TBC1D19: variants seen among roughly 807,000 people sequenced by gnomAD.
TBC1D19 encodes TBC1 domain family, member 19.
Under a neutral mutation model 89.0 loss-of-function variants are expected in TBC1D19, and 60 were observed. The ratio of observed to expected loss-of-function variants is 0.67; its 90% CI spans 0.55 to 0.84. The LOEUF is 0.84. TBC1D19 is among the 40% of genes least tolerant of loss of function. The pLI, the probability that TBC1D19 is intolerant of heterozygous loss-of-function variation, is 0.00. For missense variants in TBC1D19, 500 were observed against 610.8 expected (o/e 0.82, Z 1.91); for synonymous variants, 189 against 199.7 (o/e 0.95, Z 0.45).
chr4:26,608,063 A>G (rs563509961), intron 1 of TBC1D19, among the ~76,000 whole-genome samples: 185 of 152,328 alleles, frequency 1.2e-3, no homozygotes, highest in African/African-American at 4.3e-3. Context: ...TAGTAAAACC[A>G]TGTTATGCAG....
the TBC1D19 span, among the ~76,000 whole-genome samples, chr4:26,778,165 C>T: frequency 6.6e-6 from 1 of 151,746 alleles, no homozygotes; most frequent in African/African-American, 2.4e-5. Flanking sequence ...CCTGTAATCC[C>T]AGCACTTTGG....
At chr4:26,757,926 A>G (rs950653442), downstream of TBC1D19, among the ~76,000 whole-genome samples, 3 of 152,206 alleles carry the variant, frequency 2.0e-5, no homozygotes, top group African/African-American at 7.2e-5. Context: ...CATAACAGGA[A>G]AAATTCTTCA....
chr4:26,680,209 A>C (rs1713210433), intron 11 of TBC1D19, among the ~76,000 whole-genome samples: 1 of 152,114 alleles, frequency 6.6e-6, no homozygotes, highest in Non-Finnish European at 1.5e-5. Context: ...CAAATTACCC[A>C]GTCTTAGGTA....
At chr4:26,826,232 A>G in the TBC1D19 span, among the ~76,000 whole-genome samples, 1 of 152,114 alleles carries the variant, frequency 6.6e-6, no homozygotes, top group Non-Finnish European at 1.5e-5. Flanking sequence ...AAATTCAAAG[A>G]TCATATTTTT....
the TBC1D19 span, among the ~76,000 whole-genome samples, chr4:26,795,659 C>T: frequency 6.6e-6 from 1 of 152,114 alleles, no homozygotes; most frequent in East Asian, 1.9e-4. Context: ...GGATGACTGT[C>T]ATTTAAAACT....
chr4:26,795,506 C>T, the TBC1D19 span, among the ~76,000 whole-genome samples: 5 of 152,066 alleles, frequency 3.3e-5, no homozygotes, highest in African/African-American at 4.8e-5. Flanking sequence ...CCATCGTATC[C>T]CCTGGCTCAT....
chr4:26,634,399 A>G (rs764266350), intron 4 of TBC1D19, among the ~76,000 whole-genome samples: 1 of 152,140 alleles, frequency 6.6e-6, no homozygotes, highest in Non-Finnish European at 1.5e-5. Context: ...TTTTACTGCA[A>G]TACACAATTT....
the TBC1D19 span, among the ~76,000 whole-genome samples, chr4:26,846,372 T>C: frequency 1.3e-5 from 2 of 152,210 alleles, no homozygotes; most frequent in African/African-American, 2.4e-5. Context: ...ATTAGTCAAG[T>C]AGATCATTTT....
chr4:26,826,285 G>T, the TBC1D19 span, among the ~76,000 whole-genome samples: 1 of 152,094 alleles, frequency 6.6e-6, no homozygotes, highest in African/African-American at 2.4e-5. Context: ...ATAGGACTTC[G>T]CATTCTGCCT....
intron 15 of TBC1D19, among the ~76,000 whole-genome samples, chr4:26,726,882 A>G (rs557366578): frequency 2.6e-4 from 39 of 152,340 alleles, no homozygotes; most frequent in African/African-American, 9.4e-4. Flanking sequence ...AGTCATATTT[A>G]CTATTTATAT....
chr4:26,644,374 C>G (rs960318644), intron 7 of TBC1D19, among the ~76,000 whole-genome samples: 6 of 152,234 alleles, frequency 3.9e-5, no homozygotes, highest in Non-Finnish European at 8.8e-5. Context: ...AATTCAACAG[C>G]CTACATGCTA....
intron 11 of TBC1D19, among the ~76,000 whole-genome samples, chr4:26,680,977 A>G (rs781782762): frequency 2.0e-5 from 3 of 152,258 alleles, no homozygotes; most frequent in Non-Finnish European, 4.4e-5. Flanking sequence ...TCAATCCAAG[A>G]AAGATAATCT....
chr4:26,754,596 G>C lies in TBC1D19; in HGVS notation c.1507-277G>C, dbSNP rs141505713. Among the ~76,000 whole-genome samples the C allele has an allele frequency of 1.1e-3, 164 of 152,264 alleles. 1 individual carries two copies. The East Asian group carries it at 0.028, about 26-fold the overall frequency. On this transcript the variant is annotated intron_variant, in intron 20 of 20. Coordinates refer to ENST00000264866, the MANE Select transcript of TBC1D19 (RefSeq NM_018317.4). ...AATGTATGCTTATTTATAGAAGCAA[G>C]TTGAAATGTTAAACCTGTTATAAAC...
At chr4:26,826,382 TA>T in the TBC1D19 span, among the ~76,000 whole-genome samples, 6,656 of 152,242 alleles carry the variant, frequency 0.044, 414 homozygotes, top group East Asian at 0.16. Context: ...AATAGAAGGA[TA>T]TTTCAAACAG....
downstream of TBC1D19, among the ~76,000 whole-genome samples, chr4:26,759,779 T>C (rs1719399137): frequency 6.6e-6 from 1 of 152,234 alleles, no homozygotes; most frequent in Non-Finnish European, 1.5e-5. Context: ...ATCCATATTA[T>C]GTGATAGTAG....
At chr4:26,797,269 A>C in the TBC1D19 span, among the ~76,000 whole-genome samples, 1 of 152,112 alleles carries the variant, frequency 6.6e-6, no homozygotes. Flanking sequence ...TCAATAACTC[A>C]ATCCAAAAAA....
intron 9 of TBC1D19, among the ~76,000 whole-genome samples, chr4:26,669,524 T>G (rs557400328): frequency 6.6e-6 from 1 of 151,900 alleles, no homozygotes; most frequent in Non-Finnish European, 1.5e-5. Flanking sequence ...TTGGAGATTT[T>G]GGTTCTGACT....
intron 7 of TBC1D19, among the ~76,000 whole-genome samples, chr4:26,651,323 C>T (rs1381127241): frequency 3.9e-5 from 6 of 152,090 alleles, no homozygotes; most frequent in South Asian, 2.1e-4. Flanking sequence ...GCCATTTTCA[C>T]GATATTGATT....
chr4:26,768,922 A>G, the TBC1D19 span, among the ~76,000 whole-genome samples: 1 of 152,006 alleles, frequency 6.6e-6, no homozygotes. Flanking sequence ...AATATTCTAA[A>G]TTTGATGAAA....
Sources: allele counts gnomAD v4.1 joint callset (sites outside exome capture counted in the v4.1 genomes callset), GRCh38; gene constraint gnomAD v4.1.1; transcripts MANE v1.5; gene names NCBI Gene and HGNC (gene_info 2026-07-23, HGNC 2026-07-21).